Variants in ALK observed in about 807,000 individuals in gnomAD.
ALK encodes the protein ALK receptor tyrosine kinase.
ALK carries 74 observed loss-of-function variants against 163.1 expected under a neutral mutation model. The ratio of observed to expected loss-of-function variants is 0.45; its 90% CI spans 0.38 to 0.55. The LOEUF (loss-of-function observed/expected upper bound fraction) is 0.55. ALK is among the 20% of genes least tolerant of loss of function. The pLI is 0.00. For missense variants in ALK, 2,063 were observed against 2,105.3 expected (o/e 0.98, Z 0.39); for synonymous variants, 960 against 843.2 (o/e 1.14, Z -2.40).
intron 1 of ALK, among the ~76,000 whole-genome samples, chr2:29,894,085 A>G (rs7562538): frequency 0.064 from 9,762 of 152,260 alleles, 451 homozygotes; most frequent in East Asian, 0.16. Context: ...TAAACTTTCA[A>G]GTTGAAAGGG....
intron 4 of ALK, among the ~76,000 whole-genome samples, chr2:29,392,458 T>C (rs1379605815): frequency 6.6e-6 from 1 of 152,218 alleles, no homozygotes; most frequent in African/African-American, 2.4e-5. Flanking sequence ...AACAGCATAC[T>C]AGCAAAGGGT....
chr2:29,445,234 A>T (rs1261299445), intron 4 of ALK, among the ~76,000 whole-genome samples: 4 of 152,236 alleles, frequency 2.6e-5, no homozygotes, highest in Admixed American at 2.6e-4. Context: ...CAGGGAGAAA[A>T]GTCTAAAAAT....
intron 3 of ALK, among the ~76,000 whole-genome samples, chr2:29,620,628 C>T (rs917591521): frequency 3.9e-5 from 6 of 152,052 alleles, no homozygotes; most frequent in African/African-American, 1.4e-4. Flanking sequence ...TAAATCAGCC[C>T]TGTACTCCAG....
rs776178128 is a variant in ALK at position 29,829,835 on chromosome 2, G to C, written c.667+90158C>G. Among the ~76,000 whole-genome samples the C allele has an allele frequency of 5.3e-4, 80 of 152,198 alleles. 1 individual carries two copies. Among genetic ancestry groups the C allele is most frequent in the Non-Finnish European group, 9.1e-4 (62 of 68,036 alleles). On this transcript the variant is annotated intron_variant, in intron 1 of 28. Coordinates refer to ENST00000389048, the MANE Select transcript of ALK (RefSeq NM_004304.5). ...CTCAGCCTGCATGGCCCTAACCTGT[G>C]AAGCTCTCTCCCTACTGGACTTTGA... is the stretch of plus-strand genomic sequence containing the variant.
chr2:29,768,601 T>C (rs1453855624), intron 1 of ALK, among the ~76,000 whole-genome samples: 2 of 152,080 alleles, frequency 1.3e-5, no homozygotes, highest in Non-Finnish European at 2.9e-5. Flanking sequence ...AATATTAAAA[T>C]GGACAAAATT....
intron 11 of ALK, among the ~76,000 whole-genome samples, chr2:29,261,546 G>A (rs1665088982): frequency 6.6e-6 from 1 of 152,062 alleles, no homozygotes; most frequent in South Asian, 2.1e-4. Flanking sequence ...CTCTTCCTGG[G>A]CTGCAGGTTT....
intron 3 of ALK, among the ~76,000 whole-genome samples, chr2:29,545,990 A>G (rs1214374823): frequency 6.6e-6 from 1 of 152,152 alleles, no homozygotes; most frequent in African/African-American, 2.4e-5. Flanking sequence ...TAGAAATAAT[A>G]TATATTTATG....
chr2:29,647,534 C>CT (rs1205165268), intron 3 of ALK, among the ~76,000 whole-genome samples: 2 of 152,158 alleles, frequency 1.3e-5, no homozygotes, highest in Non-Finnish European at 2.9e-5. Flanking sequence ...TATAGGTAGA[C>CT]TCATATATAG....
intron 9 of ALK, among the ~76,000 whole-genome samples, chr2:29,280,261 T>C (rs1482261378): frequency 6.6e-6 from 1 of 151,534 alleles, no homozygotes; most frequent in Non-Finnish European, 1.5e-5. Flanking sequence ...TTTTAGTGTC[T>C]ACCAGGTAGT....
intron 23 of ALK, among the ~76,000 whole-genome samples, chr2:29,216,827 G>A (rs1257346903): frequency 1.3e-5 from 2 of 150,932 alleles, no homozygotes; most frequent in African/African-American, 4.9e-5. Context: ...TGTGTGTGGT[G>A]TGTATATGTG....
In ALK at chr2:29,383,830, C is replaced by T. The variant is rs769910087; in HGVS notation, c.1184G>A (p.Arg395His). Residue 395 changes from arginine to histidine, a missense_variant, in exon 5 of 29, where the codon CGT becomes CAT. Around this residue, in one of 5 missense-constraint regions of ALK, gnomAD observed 987 missense variants for 939.5 expected, o/e 1.05. Coordinates refer to ENST00000389048, the MANE Select transcript of ALK (RefSeq NM_004304.5). ...GGCCACTCGAAATGGGTTGTCTGGACGCCCGATTCTTCCCTGGAGCACTGT... is the reference window on the plus strand; with the variant it reads ...GGCCACTCGAAATGGGTTGTCTGGATGCCCGATTCTTCCCTGGAGCACTGT... ...GWTVLQGRIG[R>H]PDNPFRVALE... 7.9e-5 allele frequency: 127 copies of T among 1,613,976 alleles called. No homozygotes were observed. The highest frequency in any genetic ancestry group is 9.9e-5 in the South Asian group (9 of 91,082).
At chr2:29,255,070 C>G (rs1271631903) in intron 11 of ALK, among the ~76,000 whole-genome samples, 4 of 152,174 alleles carry the variant, frequency 2.6e-5, no homozygotes, top group Non-Finnish European at 5.9e-5. Flanking sequence ...TTCTGTTGCT[C>G]CCAGCAGCCT....
intron 1 of ALK, among the ~76,000 whole-genome samples, chr2:29,781,557 A>C (rs1681331487): frequency 6.6e-6 from 1 of 152,232 alleles, no homozygotes; most frequent in South Asian, 2.1e-4. Flanking sequence ...AAATCATTAC[A>C]ATGTGCGAAG....
chr2:29,305,033 G>C (rs570640038), intron 8 of ALK, among the ~76,000 whole-genome samples: 2 of 152,188 alleles, frequency 1.3e-5, no homozygotes, highest in African/African-American at 2.4e-5. Context: ...ATTTCTCCAC[G>C]TGTTTCTAAA....
chr2:29,698,160 G>A (rs887853568), intron 2 of ALK, among the ~76,000 whole-genome samples: 4 of 152,196 alleles, frequency 2.6e-5, no homozygotes, highest in Non-Finnish European at 5.9e-5. Context: ...CTTTGTTTGA[G>A]TTGATAAGCC....
chr2:29,575,149 T>G (rs1332995550), intron 3 of ALK, among the ~76,000 whole-genome samples: 2 of 152,102 alleles, frequency 1.3e-5, no homozygotes, highest in Non-Finnish European at 2.9e-5. Context: ...TTCATAGAAC[T>G]CAATTAAACC....
intron 5 of ALK, among the ~76,000 whole-genome samples, chr2:29,366,528 C>G (rs927763827): frequency 1.3e-5 from 2 of 152,138 alleles, no homozygotes; most frequent in Non-Finnish European, 2.9e-5. Flanking sequence ...GTGGGCAGAC[C>G]TGGAGGTCCT....
In ALK at chr2:29,865,240, T is replaced by C. The variant is rs184537053; in HGVS notation, c.667+54753A>G. On this transcript the variant is annotated intron_variant, in intron 1 of 28. Coordinates refer to ENST00000389048, the MANE Select transcript of ALK (RefSeq NM_004304.5). ...CCACTTTTCACAAAAGAAATGTGTTTAGGATTTTTATCACAGTGACTAGAA... is the reference window on the plus strand; with the variant it reads ...CCACTTTTCACAAAAGAAATGTGTTCAGGATTTTTATCACAGTGACTAGAA... 9.5e-4 allele frequency among the ~76,000 whole-genome samples: 145 copies of C among 152,306 alleles called. 1 individual carries two copies. The highest frequency in any genetic ancestry group is 2.5e-3 in the African/African-American group (105 of 41,562).
intron 2 of ALK, among the ~76,000 whole-genome samples, chr2:29,704,832 C>T (rs1264225588): frequency 6.6e-6 from 1 of 152,102 alleles, no homozygotes; most frequent in African/African-American, 2.4e-5. Flanking sequence ...TAGGAAGCCT[C>T]CCAGCTCCAG....
Sources: allele counts gnomAD v4.1 joint callset (sites outside exome capture counted in the v4.1 genomes callset), GRCh38; gene constraint gnomAD v4.1.1; regional missense constraint gnomAD v4.1.1; transcripts MANE v1.5; gene names NCBI Gene and HGNC (gene_info 2026-07-23, HGNC 2026-07-21).